MYT1: variants seen among roughly 807,000 people sequenced by gnomAD.
The protein encoded by MYT1 is myelin transcription factor I.
A neutral mutation model predicts 123.0 loss-of-function variants in MYT1; 23 were observed. The observed-to-expected ratio is 0.19, with a 90% CI of 0.13 to 0.26. The LOEUF (loss-of-function observed/expected upper bound fraction) is 0.26, where lower values mean the gene tolerates loss of function less well. MYT1 is among the 10% of genes least tolerant of loss of function. The pLI, the probability that MYT1 is intolerant of heterozygous loss-of-function variation, is 1.00. For synonymous variants in MYT1, 518 were observed against 575.3 expected, an observed-to-expected ratio of 0.90 and a Z score of 1.43; for missense variants, 1,125 against 1,472.5, an observed-to-expected ratio of 0.76 and a Z score of 3.86.
intron 4 of MYT1, 138 bp downstream of exon 4, chr20:64,200,060 C>T (rs1397777737): frequency 2.0e-6 from 2 of 1,005,476 alleles, no homozygotes; most frequent in Admixed American, 1.8e-5. Flanking sequence ...AGGAGACTGC[C>T]TTTCTCCTGG....
chr20:64,187,246 C>G (rs1224514378), intron 1 of MYT1, among the ~76,000 whole-genome samples: 32 of 114,084 alleles, frequency 2.8e-4, no homozygotes, highest in African/African-American at 3.8e-4. Context: ...TCCATGGAGA[C>G]TTTTCCTGTA....
At position 64,186,410 on chromosome 20, in the gene MYT1, A is replaced by C. The variant is rs779370928; in HGVS notation, c.-98-3653A>C. On this transcript the variant is annotated intron_variant, in intron 1 of 22. Transcript: ENST00000328439. This position sits in a 1 kb window ranked among gnomAD's most constrained non-coding sequence, Gnocchi z 4.3. ...ATTCAGATTAACTCACTAGAAACTC[A>C]ATAACCCAAGAGAACAGGCTCGTCT... is the stretch of plus-strand genomic sequence containing the variant. Among the ~76,000 whole-genome samples the C allele has an allele frequency of 6.6e-6, 1 of 152,112 alleles. No individual in the cohort carries two copies. Among genetic ancestry groups the C allele is most frequent in the Non-Finnish European group, 1.5e-5 (1 of 68,040 alleles).
rs1032925407 is a variant in MYT1, at chr20:64,212,598, A to G, written c.1517+460A>G. Among the ~76,000 whole-genome samples the G allele has an allele frequency of 1.3e-5, 2 of 152,244 alleles. No individual in the cohort carries two copies. Among genetic ancestry groups the G allele is most frequent in the African/African-American group, 4.8e-5 (2 of 41,554 alleles). ...CAACAACCATGTGAGAGCCAGGTGA[A>G]TACTTTGTGTCCTACCCACATTCAG... On this transcript the variant is annotated intron_variant, in intron 9 of 22. Coordinates refer to ENST00000328439, the MANE Select transcript of MYT1 (RefSeq NM_004535.3). This position sits in a 1 kb window ranked among gnomAD's most constrained non-coding sequence, Gnocchi z 6.8.
At position 64,205,596 on chromosome 20, in the gene MYT1, G is replaced by A. The variant is rs763859657; in HGVS notation, c.193G>A (p.Ala65Thr). The change falls in exon 6 of 23, where the codon GCT becomes ACT. Residue 65 changes from alanine to threonine, a missense_variant. Transcript: ENST00000328439. ...PLAKKRKLEG[A>T]EAEHLVSKRK... ...GGCCAAGAAGAGGAAGCTGGAGGGC[G>A]CTGAGGCTGAGCACCTGGTGTCCAA... 1.2e-5 allele frequency: 19 copies of A among 1,614,172 alleles called. No homozygotes were observed. The Middle Eastern group carries it at 4.9e-4, about 42-fold the overall frequency.
chr20:64,229,058 G>A lies in MYT1; in HGVS notation c.2675+1087G>A, dbSNP rs574345295. Among the ~76,000 whole-genome samples the A allele has an allele frequency of 3.9e-5, 6 of 152,386 alleles. No individual in the cohort carries two copies. In the South Asian group the frequency reaches 8.3e-4, roughly 21 times the overall value. On this transcript the variant is annotated intron_variant, in intron 18 of 22. Transcript: ENST00000328439. ...CCAAACACCCGGCCACACTGGAGGA[G>A]CCTAATTGACCAACATCACATCCTT... is the stretch of plus-strand genomic sequence containing the variant.
rs1169890222 is a variant in MYT1, at chr20:64,164,531, C to T, written c.-307C>T. 1 of 152,152 alleles carries T rather than the reference C, an allele frequency of 6.6e-6. No individual in the cohort carries two copies. The allele number at this position is 152,152 out of a possible 1,614,324, so 9.4% of individuals were successfully genotyped here. A position where few individuals can be genotyped will look rare whatever the true frequency, so the allele number is the denominator to read the frequency against. ...AGCAGTCATTAAGTAAATGAGACGT[C>T]GCCTTTAGCTGGCTTAGGAGTTCGC... On this transcript the variant is annotated 5_prime_UTR_variant, in exon 1 of 23. Coordinates refer to ENST00000328439, the MANE Select transcript of MYT1 (RefSeq NM_004535.3).
rs33943131 is a variant in MYT1 at position 64,172,741 on chromosome 20, C to CTTTTTTTTT, written c.-99+8017_-99+8025dup. On this transcript the variant is annotated intron_variant, in intron 1 of 22. Coordinates refer to ENST00000328439, the MANE Select transcript of MYT1 (RefSeq NM_004535.3). ...GTGCTGCTGGCTCTGGCCATACCCT[C>CTTTTTTTTT]TTTTTTTTTTTTTTTTTTTTTTTGA... 6.3e-5 allele frequency among the ~76,000 whole-genome samples: 6 copies of CTTTTTTTTT among 95,558 alleles called. 1 individual carries two copies. Among genetic ancestry groups the CTTTTTTTTT allele is most frequent in the Admixed American group, 1.3e-4 (1 of 7,912 alleles). 62.7% of individuals were successfully genotyped at this position (95,558 alleles called of 152,430 possible). A position where few individuals can be genotyped will look rare whatever the true frequency, so the allele number is the denominator to read the frequency against.
In MYT1 at chr20:64,207,871, C is replaced by G; in HGVS notation, c.675C>G (p.Val225=). The part of the protein sequence containing the change: ...FIQPEDAEEV[V]EVTTERSQDL... ...AGCCAGAGGATGCCGAGGAGGTCGT[C>G]GAAGTCACCACCGAGCGCTCCCAGG... Residue 225 remains valine (V), a synonymous_variant, in exon 7 of 23, where the codon GTC becomes GTG. Coordinates refer to ENST00000328439, the MANE Select transcript of MYT1 (RefSeq NM_004535.3). The G allele has an allele frequency of 6.2e-7, 1 of 1,613,040 alleles. No individual in the cohort carries two copies. The highest frequency in any genetic ancestry group is 8.5e-7 in the Non-Finnish European group (1 of 1,179,776).
At position 64,193,646 on chromosome 20, in the gene MYT1, G is replaced by A. The variant is rs990798199; in HGVS notation, c.-1+3486G>A. ...AGCCAGGCAGGGTAGGGGACAGCCAGTTTCTGGCCACCTCCTCACCCCCCA... is the reference window on the plus strand; with the variant it reads ...AGCCAGGCAGGGTAGGGGACAGCCAATTTCTGGCCACCTCCTCACCCCCCA... On this transcript the variant is annotated intron_variant, in intron 2 of 22. Coordinates refer to ENST00000328439, the MANE Select transcript of MYT1 (RefSeq NM_004535.3). This position sits in a 1 kb window ranked among gnomAD's most constrained non-coding sequence, Gnocchi z 4.0. Among the ~76,000 whole-genome samples, 1 of 152,064 alleles carries A rather than the reference G, an allele frequency of 6.6e-6. No homozygotes were observed. Among genetic ancestry groups the A allele is most frequent in the African/African-American group, 2.4e-5 (1 of 41,390 alleles).
rs1162225096 is a variant in MYT1 at position 64,213,527 on chromosome 20, C to T, written c.1518-7C>T. The T allele has an allele frequency of 1.2e-6, 2 of 1,612,466 alleles. No homozygotes were observed. The highest frequency in any genetic ancestry group is 1.3e-5 in the African/African-American group (1 of 74,874). ...GGCTCAGAAACCCCTCCTCTTCCTT[C>T]CTCTAGTTTGTCTGGGTGTCCCATT... On this transcript the variant is annotated splice_polypyrimidine_tract_variant and splice_region_variant and intron_variant, in intron 9 of 22. Coordinates refer to ENST00000328439, the MANE Select transcript of MYT1 (RefSeq NM_004535.3). This position sits in a 1 kb window ranked among gnomAD's most constrained non-coding sequence, Gnocchi z 5.6.
At position 64,208,605 on chromosome 20, in the gene MYT1, A is replaced by T; in HGVS notation, c.1291+118A>T. Reference sequence around the variant, plus strand: ...GGGCTGGGGGATGGCAGAAAAGCAGACAAAAGGACAAATACATGACACAGA... The same window carrying T: ...GGGCTGGGGGATGGCAGAAAAGCAGTCAAAAGGACAAATACATGACACAGA... On this transcript the variant is annotated intron_variant, in intron 7 of 22. Transcript: ENST00000328439. The surrounding 1 kb of genome is among the most constrained non-coding windows in gnomAD (Gnocchi z 5.4). 14 of 1,431,862 alleles carry T rather than the reference A, an allele frequency of 9.8e-6. No homozygotes were observed. Among genetic ancestry groups the T allele is most frequent in the Non-Finnish European group, 1.3e-5 (14 of 1,088,108 alleles). The allele number at this position is 1,431,862 out of a possible 1,614,324, so 88.7% of individuals were successfully genotyped here.
In MYT1 at chr20:64,183,261, G is replaced by A. The variant is rs957091887; in HGVS notation, c.-98-6802G>A. On this transcript the variant is annotated intron_variant, in intron 1 of 22. Transcript: ENST00000328439. ...GCCAAAGACTGTGCCACTGTATTTCGTATCACCCATTCAGCAGTTGATGGA... is the reference window on the plus strand; with the variant it reads ...GCCAAAGACTGTGCCACTGTATTTCATATCACCCATTCAGCAGTTGATGGA... 4.6e-5 allele frequency among the ~76,000 whole-genome samples: 7 copies of A among 152,160 alleles called. 1 individual carries two copies. The highest frequency in any genetic ancestry group is 1.9e-4 in the East Asian group (1 of 5,198).
chr20:64,186,269 C>G lies in MYT1; in HGVS notation c.-98-3794C>G, dbSNP rs561685220. ...CCGGGTCCCTAGAGAGGGGTCCCAGCCAGCGCCGCCCTCTGGGTGCCGGGA... is the reference window on the plus strand; with the variant it reads ...CCGGGTCCCTAGAGAGGGGTCCCAGGCAGCGCCGCCCTCTGGGTGCCGGGA... On this transcript the variant is annotated intron_variant, in intron 1 of 22. Transcript: ENST00000328439. This position sits in a 1 kb window ranked among gnomAD's most constrained non-coding sequence, Gnocchi z 4.3. Among the ~76,000 whole-genome samples the G allele has an allele frequency of 2.6e-5, 4 of 152,270 alleles. No homozygotes were observed. Among genetic ancestry groups the G allele is most frequent in the Admixed American group, 2.6e-4 (4 of 15,298 alleles).
rs1316338564 is a variant in MYT1, at chr20:64,166,589, C to T, written c.-99+1850C>T. On this transcript the variant is annotated intron_variant, in intron 1 of 22. Coordinates refer to ENST00000328439, the MANE Select transcript of MYT1 (RefSeq NM_004535.3). This position sits in a 1 kb window ranked among gnomAD's most constrained non-coding sequence, Gnocchi z 4.9. The stretch of plus-strand genomic sequence containing the variant: ...GGCTGCTTCTGTCCAAAGTGCCACT[C>T]GAGGGTTTTTGTGACCCTCAGCCAT... Among the ~76,000 whole-genome samples, 7 of 152,144 alleles carry T rather than the reference C, an allele frequency of 4.6e-5. No individual in the cohort carries two copies. Among genetic ancestry groups the T allele is most frequent in the African/African-American group, 9.7e-5 (4 of 41,432 alleles).
Position 64,168,025 on chromosome 20 carries a change from A to G in MYT1, c.-99+3286A>G, listed in dbSNP as rs568853714. ...CCGCTCCAGGACAGCCCCACTGGGG[A>G]GCCCACTGCCCAGCCCGGAGTGTCT... On this transcript the variant is annotated intron_variant, in intron 1 of 22. Coordinates refer to ENST00000328439, the MANE Select transcript of MYT1 (RefSeq NM_004535.3). This position sits in a 1 kb window ranked among gnomAD's most constrained non-coding sequence, Gnocchi z 6.1. 2.3e-3 allele frequency among the ~76,000 whole-genome samples: 357 copies of G among 152,174 alleles called. 2 individuals are homozygous for G. Among genetic ancestry groups the G allele is most frequent in the African/African-American group, 8.4e-3 (349 of 41,512 alleles).
intron 6 of MYT1, among the ~76,000 whole-genome samples, chr20:64,206,236 C>T (rs1448772221): frequency 6.6e-6 from 1 of 152,078 alleles, no homozygotes; most frequent in African/African-American, 2.4e-5. Flanking sequence ...TCTGCGTTCC[C>T]CTGAGGTACT....
In MYT1 at chr20:64,191,938, A is replaced by G. The variant is rs1485805077; in HGVS notation, c.-1+1778A>G. The G allele has an allele frequency of 6.6e-6, 1 of 152,244 alleles. No homozygotes were observed. Among genetic ancestry groups the G allele is most frequent in the African/African-American group, 2.4e-5 (1 of 41,458 alleles). 9.4% of individuals were successfully genotyped at this position (152,244 alleles called of 1,614,324 possible). ...ACCCTACCCCAGATCCTGAGGATTC[A>G]CATAGCGCTGTACTGGCATGAGATC... On this transcript the variant is annotated intron_variant, in intron 2 of 22. Coordinates refer to ENST00000328439, the MANE Select transcript of MYT1 (RefSeq NM_004535.3). This position sits in a 1 kb window ranked among gnomAD's most constrained non-coding sequence, Gnocchi z 4.1.
At chr20:64,228,473 A>G (rs756677159) in intron 18 of MYT1, among the ~76,000 whole-genome samples, 1 of 152,224 alleles carries the variant, frequency 6.6e-6, no homozygotes, top group Non-Finnish European at 1.5e-5. Context: ...TGGGAGCCAG[A>G]CACTGTTGGG....
intron 22 of MYT1, 57 bp from the exon 23 acceptor site, chr20:64,240,263 C>T (rs1009712498): frequency 2.5e-6 from 4 of 1,589,286 alleles, no homozygotes; most frequent in Admixed American, 3.4e-5. Flanking sequence ...ACATCAGGCT[C>T]TGCGGTGTGG....
Sources: gnomAD v4.1 joint callset for allele counts (sites outside exome capture counted in the v4.1 genomes callset) on GRCh38, gnomAD v4.1.1 for gene constraint, Gnocchi (gnomAD v3.1) non-coding constraint, MANE v1.5 for transcripts, NCBI Gene and HGNC (gene_info 2026-07-23, HGNC 2026-07-21) for gene names.